The following DOC2B variants were observed in gnomAD, a reference collection of about 807,000 sequenced individuals.
The protein encoded by DOC2B is double C2 domain beta, also known as double C2-like domain-containing protein beta.
In DOC2B, 21 loss-of-function variants were observed where a neutral mutation model predicts 28.9. That is an observed-to-expected ratio of 0.73 (90% CI 0.52 to 1.05). The LOEUF is 1.05. DOC2B is among the 50% of genes least tolerant of loss of function. The pLI is 0.00. For missense variants in DOC2B, 384 were observed against 421.1 expected (o/e 0.91, Z 0.77); for synonymous variants, 194 against 178.1 (o/e 1.09, Z -0.71).
At chr17:176,785 G>GT (rs1334716309) in intron 1 of DOC2B, among the ~76,000 whole-genome samples, 1 of 152,148 alleles carries the variant, frequency 6.6e-6, no homozygotes, top group Non-Finnish European at 1.5e-5. Context: ...CCCCACTGAA[G>GT]TTTACATCTT....
rs1276928373 is a variant in DOC2B at position 144,067 on chromosome 17, C to CAGGCGGCGGGCG, written c.*3362_*3373dup. The CAGGCGGCGGGCG allele has an allele frequency of 4.2e-4, 35 of 83,716 alleles. No homozygotes were observed. The highest frequency in any genetic ancestry group is 1.6e-3 in the African/African-American group (32 of 19,586). The allele number at this position is 83,716 out of a possible 1,614,324, so 5.2% of individuals were successfully genotyped here. ...AAGACGGGCCCGTCGGGGATTGGCGCAGGCGGCGGGCGGGGCGGCGGGCGG... is the reference window on the plus strand; with the variant it reads ...AAGACGGGCCCGTCGGGGATTGGCGCAGGCGGCGGGCGAGGCGGCGGGCGGGGCGGCGGGCGG... On this transcript the variant is annotated 3_prime_UTR_variant, in exon 9 of 9. Coordinates refer to ENST00000613549, the MANE Select transcript of DOC2B (RefSeq NM_003585.5).
In DOC2B at chr17:161,403, C is replaced by T; in HGVS notation, c.765+12G>A. The T allele has an allele frequency of 6.4e-7, 1 of 1,551,628 alleles. No homozygotes were observed. Among genetic ancestry groups the T allele is most frequent in the Non-Finnish European group, 8.7e-7 (1 of 1,146,958 alleles). On this transcript the variant is annotated intron_variant, in intron 5 of 8. Coordinates refer to ENST00000613549, the MANE Select transcript of DOC2B (RefSeq NM_003585.5). ...GCCAGGTACACAGCAGGTGCTCAAT[C>T]AATCCTCTCACCGGCAGCTGCTTCT...
intron 1 of DOC2B, among the ~76,000 whole-genome samples, chr17:178,140 G>C (rs1427758282): frequency 6.6e-6 from 1 of 152,216 alleles, no homozygotes; most frequent in Non-Finnish European, 1.5e-5. Context: ...TGGACCTGAG[G>C]GTCCTGCTTG....
chr17:149,062 C>T (rs954916415), intron 7 of DOC2B, 49 bp downstream of exon 7: 1 of 398,892 alleles, frequency 2.5e-6, no homozygotes, highest in Non-Finnish European at 4.4e-6. Flanking sequence ...ACCCCCACTG[C>T]TGTGGGGCAG....
chr17:166,353 A>G (rs2040264586), intron 2 of DOC2B, among the ~76,000 whole-genome samples: 1 of 152,202 alleles, frequency 6.6e-6, no homozygotes, highest in Non-Finnish European at 1.5e-5. Context: ...ACGGAAGGGG[A>G]AGGTCGGGAG....
chr17:172,673 C>A, intron 1 of DOC2B, 57 bp from the exon 2 acceptor site: 1 of 1,451,314 alleles, frequency 6.9e-7, no homozygotes, highest in Non-Finnish European at 9.3e-7. Context: ...GAGGCTTCGC[C>A]TGCCCCTGTG....
Position 173,463 on chromosome 17 carries a change from G to A in DOC2B, c.374-847C>T, listed in dbSNP as rs376294884. On this transcript the variant is annotated intron_variant, in intron 1 of 8. Transcript: ENST00000613549. ...GAAGCCCAGAGCCTGCTCCCAGGCT[G>A]CAGGGCTGGTCAAATGGTGTCACAT... Among the ~76,000 whole-genome samples, 8 of 152,226 alleles carry A rather than the reference G, an allele frequency of 5.3e-5. No homozygotes were observed. The South Asian group carries it at 6.2e-4, about 12-fold the overall frequency.
At chr17:160,034 G>T (rs2040182557) in intron 5 of DOC2B, among the ~76,000 whole-genome samples, 1 of 150,162 alleles carries the variant, frequency 6.7e-6, no homozygotes, top group Non-Finnish European at 1.5e-5. Context: ...ACCCAGGCTG[G>T]AGTGCAACGG....
chr17:158,532 C>T (rs1030123465), intron 5 of DOC2B, among the ~76,000 whole-genome samples: 5 of 152,358 alleles, frequency 3.3e-5, no homozygotes, highest in Admixed American at 6.5e-5. Flanking sequence ...CCACCTCCCA[C>T]GCCCAGAGCA....
intron 1 of DOC2B, among the ~76,000 whole-genome samples, chr17:174,074 T>G (rs2040342218): frequency 6.6e-6 from 1 of 152,246 alleles, no homozygotes; most frequent in Admixed American, 6.5e-5. Context: ...TTCTTGGGTC[T>G]GCAGGGAAAT....
At chr17:157,127 C>T (rs1597820455) in intron 5 of DOC2B, among the ~76,000 whole-genome samples, 1 of 152,236 alleles carries the variant, frequency 6.6e-6, no homozygotes, top group Non-Finnish European at 1.5e-5. Context: ...TCTGCAGCCC[C>T]CGGCCTGGCG....
intron 5 of DOC2B, among the ~76,000 whole-genome samples, chr17:159,054 A>T (rs898188763): frequency 3.3e-5 from 5 of 151,550 alleles, no homozygotes; most frequent in Non-Finnish European, 7.4e-5. Context: ...AAAAAAAAAA[A>T]AAACAACCAA....
At position 144,960 on chromosome 17, in the gene DOC2B, A is replaced by C. The variant is rs1293427194; in HGVS notation, c.*2481T>G. Reference sequence around the variant, plus strand: ...AATCTCCTCTCTGAATGAGACCCCCAAAAAAGCAAAGCTAAGAAGATACCC... The same window carrying C: ...AATCTCCTCTCTGAATGAGACCCCCCAAAAAGCAAAGCTAAGAAGATACCC... On this transcript the variant is annotated 3_prime_UTR_variant, in exon 9 of 9. Transcript: ENST00000613549. The C allele has an allele frequency of 3.3e-5, 5 of 152,142 alleles. No homozygotes were observed. The highest frequency in any genetic ancestry group is 7.4e-5 in the Non-Finnish European group (5 of 68,012). 9.4% of individuals were successfully genotyped at this position (152,142 alleles called of 1,614,324 possible).
At chr17:157,802 A>G (rs1336877028) in intron 5 of DOC2B, among the ~76,000 whole-genome samples, 1 of 152,200 alleles carries the variant, frequency 6.6e-6, no homozygotes, top group Non-Finnish European at 1.5e-5. Context: ...CTAAGGGCCC[A>G]CTGGAGGCTT....
At chr17:176,395 G>GGGA (rs1421031344) in intron 1 of DOC2B, among the ~76,000 whole-genome samples, 1 of 93,878 alleles carries the variant, frequency 1.1e-5, no homozygotes, top group East Asian at 7.8e-4. Context: ...TGTTGGTGCG[G>GGGA]GGGGTGCGGG....
chr17:173,536 T>C (rs754255581), intron 1 of DOC2B, among the ~76,000 whole-genome samples: 19 of 152,332 alleles, frequency 1.2e-4, no homozygotes, highest in Middle Eastern at 3.4e-3. Context: ...CTCTAGGGGA[T>C]GGACATCTGT....
chr17:174,052 G>A (rs910893816), intron 1 of DOC2B, among the ~76,000 whole-genome samples: 5 of 152,204 alleles, frequency 3.3e-5, no homozygotes, highest in Non-Finnish European at 7.3e-5. Context: ...CTGGGCCCAG[G>A]CATAACAAAG....
chr17:148,318 C>T (rs1031850923), intron 7 of DOC2B, 49 bp from the exon 8 acceptor site: 23 of 398,588 alleles, frequency 5.8e-5, no homozygotes, highest in African/African-American at 3.3e-4. Context: ...CCTGGGCCTC[C>T]GCCGGGGGCC....
chr17:149,448 A>C (rs2151457887), intron 6 of DOC2B, among the ~76,000 whole-genome samples: 1 of 152,224 alleles, frequency 6.6e-6, no homozygotes, highest in South Asian at 2.1e-4. Flanking sequence ...GGCGCCCTCC[A>C]TCCCCCTAGG....
Sources: allele counts gnomAD v4.1 joint callset (sites outside exome capture counted in the v4.1 genomes callset), GRCh38; gene constraint gnomAD v4.1.1; transcripts MANE v1.5; gene names NCBI Gene and HGNC (gene_info 2026-07-23, HGNC 2026-07-21).